The following COL28A1 variants were observed in gnomAD, a reference collection of about 807,000 sequenced individuals.
The protein encoded by COL28A1 is collagen alpha-1(XXVIII) chain.
In COL28A1, 161 loss-of-function variants were observed where a neutral mutation model predicts 150.2. The observed-to-expected ratio is 1.07, with a 90% CI of 0.94 to 1.22. The LOEUF is 1.22. Ranked by LOEUF, COL28A1 falls within the 50% of genes most tolerant of loss-of-function variation. The pLI is 0.00. For synonymous variants in COL28A1, 552 were observed against 469.7 expected (o/e 1.18, Z -2.26); for missense variants, 1,617 against 1,388.3 (o/e 1.16, Z -2.62).
At chr7:7,421,179 C>T (rs1784376204) in intron 25 of COL28A1, among the ~76,000 whole-genome samples, 1 of 152,036 alleles carries the variant, frequency 6.6e-6, no homozygotes, top group Non-Finnish European at 1.5e-5. Context: ...CATGAATGAA[C>T]CTCAAAAACA....
intron 19 of COL28A1, among the ~76,000 whole-genome samples, chr7:7,443,931 CG>C (rs1225764773): frequency 6.6e-6 from 1 of 150,484 alleles, no homozygotes; most frequent in Non-Finnish European, 1.5e-5. Context: ...GCTCTTCATT[CG>C]CATTTGGTAG....
Position 7,364,928 on chromosome 7 carries a change from C to CTTA in COL28A1, c.3067-4403_3067-4401dup, listed in dbSNP as rs1780856417. Among the ~76,000 whole-genome samples, 5 of 152,202 alleles carry CTTA rather than the reference C, an allele frequency of 3.3e-5. No individual in the cohort carries two copies. The South Asian group carries it at 8.3e-4, about 25-fold the overall frequency. On this transcript the variant is annotated intron_variant, in intron 33 of 34. Transcript: ENST00000399429. ...CTGTTACACTCGTCTTCAGGTTGAA[C>CTTA]TTAATAAGGATATGCAAAGAGCGAA... is the stretch of plus-strand genomic sequence containing the variant.
At chr7:7,465,177 C>T (rs1422319377) in intron 15 of COL28A1, among the ~76,000 whole-genome samples, 2 of 151,968 alleles carry the variant, frequency 1.3e-5, no homozygotes, top group Admixed American at 1.3e-4. Flanking sequence ...GTGATTTCTG[C>T]ATTTCCATCT....
chr7:7,477,213 G>A (rs750388193), intron 13 of COL28A1, 33 bp from the exon 14 acceptor site: 2 of 894,392 alleles, frequency 2.2e-6, no homozygotes, highest in East Asian at 2.4e-5. Flanking sequence ...AGGAGCAGGA[G>A]GAGAGAGAAA....
At chr7:7,532,056 A>G (rs1305749507) in intron 2 of COL28A1, 152 bp from the exon 3 acceptor site, 2 of 529,242 alleles carry the variant, frequency 3.8e-6, no homozygotes, top group Non-Finnish European at 6.8e-6. Flanking sequence ...GAAGGCTTCA[A>G]TTGTAAAAAA....
At chr7:7,410,058 A>T (rs1434578612) in intron 27 of COL28A1, among the ~76,000 whole-genome samples, 2 of 152,156 alleles carry the variant, frequency 1.3e-5, no homozygotes, top group Non-Finnish European at 2.9e-5. Context: ...CCTTTTTCTT[A>T]ACTGGCTTGA....
chr7:7,529,804 C>G (rs1329777826), intron 3 of COL28A1, among the ~76,000 whole-genome samples: 6 of 152,190 alleles, frequency 3.9e-5, no homozygotes, highest in African/African-American at 1.4e-4. Context: ...GGGCTGGAGC[C>G]CTCTGTTTTA....
At chr7:7,525,255 G>A (rs568244471) in intron 3 of COL28A1, among the ~76,000 whole-genome samples, 1 of 152,152 alleles carries the variant, frequency 6.6e-6, no homozygotes, top group Non-Finnish European at 1.5e-5. Flanking sequence ...CATGTCATAT[G>A]TACCATACAG....
chr7:7,393,450 G>T (rs1370738439), intron 27 of COL28A1, among the ~76,000 whole-genome samples: 1 of 152,222 alleles, frequency 6.6e-6, no homozygotes, highest in Non-Finnish European at 1.5e-5. Flanking sequence ...CACTTGAGGA[G>T]GCAGTCTGAC....
Position 7,358,478 on chromosome 7 carries a change from A to C in COL28A1, c.*155T>G. ...TTCTTACCTATATAAGTGGTTAATA[A>C]TATGTACATCCTAGGGCTGTAGTGA... On this transcript the variant is annotated 3_prime_UTR_variant, in exon 35 of 35. Transcript: ENST00000399429. 1.5e-6 allele frequency: 1 copy of C among 651,664 alleles called. No homozygotes were observed. 40.4% of individuals were successfully genotyped at this position (651,664 alleles called of 1,614,324 possible). A position where few individuals can be genotyped will look rare whatever the true frequency, so the allele number is the denominator to read the frequency against.
chr7:7,465,233 C>CT (rs1351065535), intron 15 of COL28A1, among the ~76,000 whole-genome samples: 10 of 150,876 alleles, frequency 6.6e-5, no homozygotes, highest in African/African-American at 2.2e-4. Context: ...CAGTGGGCGC[C>CT]GGCCAGTGTG....
At chr7:7,501,497 G>A (rs1780523777) in intron 11 of COL28A1, among the ~76,000 whole-genome samples, 1 of 152,160 alleles carries the variant, frequency 6.6e-6, no homozygotes, top group South Asian at 2.1e-4. Flanking sequence ...GGATTTGCAT[G>A]AGATTTGAGA....
the COL28A1 span, among the ~76,000 whole-genome samples, chr7:7,542,074 G>T: frequency 6.6e-6 from 1 of 152,244 alleles, no homozygotes; most frequent in Non-Finnish European, 1.5e-5. Flanking sequence ...ATGGGGCTGG[G>T]TGCGGTGGCT....
At position 7,531,478 on chromosome 7, in the gene COL28A1, G is replaced by T; in HGVS notation, c.551C>A (p.Ser184Ter). The stretch of plus-strand genomic sequence containing the variant: ...CGTAGAAAGTGCAATGGTGATAAAT[G>T]ATATTCCTGAAATTCTGGCATCTTC... ...ISEDARISGI[S>*]FITIALSTVV... The change falls in exon 3 of 35, where the codon TCA becomes TAA. Residue 184 changes from serine (S) to a stop codon, truncating the protein, a stop_gained. Coordinates refer to ENST00000399429, the MANE Select transcript of COL28A1 (RefSeq NM_001037763.3). LOFTEE classifies it high-confidence loss of function. 1 of 1,602,732 alleles carries T rather than the reference G, an allele frequency of 6.2e-7. No homozygotes were observed. The highest frequency in any genetic ancestry group is 8.5e-7 in the Non-Finnish European group (1 of 1,169,722).
intron 34 of COL28A1, 63 bp from the exon 35 acceptor site, chr7:7,358,868 A>G (rs1780474749): frequency 7.4e-7 from 1 of 1,347,088 alleles, no homozygotes; most frequent in African/African-American, 1.5e-5. Context: ...GAAAAATAAA[A>G]ACTGTATAAA....
chr7:7,378,273 A>G (rs7798559), intron 30 of COL28A1, among the ~76,000 whole-genome samples: 5,599 of 152,204 alleles, frequency 0.037, 372 homozygotes, highest in African/African-American at 0.13. Flanking sequence ...TTTGATAAAC[A>G]CATTCTTTCT....
At chr7:7,466,396 A>C (rs1230340349) in intron 15 of COL28A1, among the ~76,000 whole-genome samples, 1 of 141,956 alleles carries the variant, frequency 7.0e-6, no homozygotes, top group African/African-American at 2.6e-5. Flanking sequence ...AGAGAAGGGA[A>C]GTTTAGAGAA....
intron 26 of COL28A1, among the ~76,000 whole-genome samples, chr7:7,418,395 G>A (rs73674541): frequency 0.033 from 5,015 of 152,330 alleles, 273 homozygotes; most frequent in African/African-American, 0.11. Flanking sequence ...TTAGGAAAAT[G>A]TGTAGATGAA....
chr7:7,361,563 G>A (rs1780655076), intron 33 of COL28A1, among the ~76,000 whole-genome samples: 1 of 152,138 alleles, frequency 6.6e-6, no homozygotes, highest in Non-Finnish European at 1.5e-5. Context: ...ATCTCATTGT[G>A]GTTTTGATCT....
Sources: gnomAD v4.1 joint callset for allele counts (sites outside exome capture counted in the v4.1 genomes callset) on GRCh38, gnomAD v4.1.1 for gene constraint, MANE v1.5 for transcripts, NCBI Gene and HGNC (gene_info 2026-07-23, HGNC 2026-07-21) for gene names.